The following BCKDHB variants were observed in gnomAD, a reference collection of about 807,000 sequenced individuals.
The protein encoded by BCKDHB is branched chain keto acid dehydrogenase E1 subunit beta.
BCKDHB carries 41 observed loss-of-function variants against 48.5 expected under a neutral mutation model. The ratio of observed to expected loss-of-function variants is 0.85; its 90% CI spans 0.66 to 1.10. The LOEUF (loss-of-function observed/expected upper bound fraction) is 1.10, where lower values mean the gene tolerates loss of function less well. Among genes scored for constraint, BCKDHB ranks in the 50% least tolerant of loss-of-function variants. The pLI is 0.00. For missense variants in BCKDHB, 496 were observed against 494.2 expected (o/e 1.00, Z -0.03); for synonymous variants, 201 against 174.8 (o/e 1.15, Z -1.18).
chr6:80,192,055 C>A (rs1413661843), intron 6 of BCKDHB, among the ~76,000 whole-genome samples: 2 of 152,062 alleles, frequency 1.3e-5, no homozygotes, highest in Non-Finnish European at 2.9e-5. Flanking sequence ...TTGATTAAAC[C>A]AACTTATTTT....
At chr6:80,255,699 T>C (rs900596491) in intron 8 of BCKDHB, among the ~76,000 whole-genome samples, 2 of 152,184 alleles carry the variant, frequency 1.3e-5, no homozygotes, top group Non-Finnish European at 2.9e-5. Flanking sequence ...TTTGGGTCCA[T>C]GTGTTTAGAG....
At chr6:80,108,712 T>C (rs928239613) in intron 1 of BCKDHB, among the ~76,000 whole-genome samples, 2 of 151,920 alleles carry the variant, frequency 1.3e-5, no homozygotes, top group Non-Finnish European at 2.9e-5. Context: ...ATACAAAAAT[T>C]AGCTGGGCGT....
intron 6 of BCKDHB, among the ~76,000 whole-genome samples, chr6:80,186,343 G>C (rs959681324): frequency 2.0e-5 from 3 of 152,244 alleles, no homozygotes; most frequent in Admixed American, 6.5e-5. Flanking sequence ...CGCCAGGGAA[G>C]GGGGGAAAGC....
At chr6:80,130,912 A>G (rs1034183895) in intron 3 of BCKDHB, among the ~76,000 whole-genome samples, 3 of 152,164 alleles carry the variant, frequency 2.0e-5, no homozygotes, top group African/African-American at 4.8e-5. Context: ...TCACAATTCC[A>G]TCTTGCCTGA....
chr6:80,398,373 A>G, the BCKDHB span, among the ~76,000 whole-genome samples: 1 of 152,238 alleles, frequency 6.6e-6, no homozygotes, highest in Non-Finnish European at 1.5e-5. Flanking sequence ...AAGTAAATAC[A>G]ATTAGAAACT....
chr6:80,287,380 G>A (rs1394386586), intron 9 of BCKDHB, among the ~76,000 whole-genome samples: 1 of 151,862 alleles, frequency 6.6e-6, no homozygotes, highest in African/African-American at 2.4e-5. Flanking sequence ...GGACTATATA[G>A]CAATTTTTCT....
At chr6:80,447,559 T>A in the BCKDHB span, among the ~76,000 whole-genome samples, 3 of 151,870 alleles carry the variant, frequency 2.0e-5, no homozygotes, top group African/African-American at 7.3e-5. Flanking sequence ...ACAATTAAGA[T>A]AATGAGCATA....
the BCKDHB span, among the ~76,000 whole-genome samples, chr6:80,463,944 C>T: frequency 6.6e-6 from 1 of 152,044 alleles, no homozygotes; most frequent in African/African-American, 2.4e-5. Context: ...TTCCCTTGGG[C>T]TCATTCCTCC....
At chr6:80,214,856 C>G (rs574394082) in intron 8 of BCKDHB, among the ~76,000 whole-genome samples, 18 of 152,080 alleles carry the variant, frequency 1.2e-4, no homozygotes, top group African/African-American at 3.9e-4. Flanking sequence ...TTTCTCTAAA[C>G]CTTTAGTTAA....
At position 80,173,229 on chromosome 6, in the gene BCKDHB, T is replaced by C. The variant is rs148464838; in HGVS notation, c.742+1839T>C. ...TCCTAGGCTTGGCCCTGGGAGAGAT[T>C]ATGAAAGACCCTGATGAGGTTCAGT... On this transcript the variant is annotated intron_variant, in intron 6 of 9. Transcript: ENST00000320393. Among the ~76,000 whole-genome samples the C allele has an allele frequency of 1.7e-3, 264 of 152,262 alleles. 1 individual carries two copies. The highest frequency in any genetic ancestry group is 6.0e-3 in the African/African-American group (251 of 41,562).
intron 6 of BCKDHB, among the ~76,000 whole-genome samples, chr6:80,187,783 T>C (rs1773715901): frequency 6.6e-6 from 1 of 152,096 alleles, no homozygotes; most frequent in Non-Finnish European, 1.5e-5. Flanking sequence ...TGAGATACCA[T>C]CTCACACCAG....
In BCKDHB at chr6:80,169,046, T is replaced by C. The variant is rs373772596; in HGVS notation, c.633+16T>C. 1.6e-4 allele frequency: 257 copies of C among 1,611,906 alleles called. No individual in the cohort carries two copies. The African/African-American group carries it at 3.0e-3, about 19-fold the overall frequency. On this transcript the variant is annotated intron_variant, in intron 5 of 9. Coordinates refer to ENST00000320393, the MANE Select transcript of BCKDHB (RefSeq NM_183050.4). ...AGGAATCAAGGTATGTTCATTTATGTACTTTATTTGATTTCTATTTGATGT... is the reference window on the plus strand; with the variant it reads ...AGGAATCAAGGTATGTTCATTTATGCACTTTATTTGATTTCTATTTGATGT...
chr6:80,465,572 T>C, the BCKDHB span, among the ~76,000 whole-genome samples: 9 of 152,334 alleles, frequency 5.9e-5, no homozygotes, highest in African/African-American at 2.2e-4. Flanking sequence ...TTAACTTAGG[T>C]TGAAACATCA....
the BCKDHB span, among the ~76,000 whole-genome samples, chr6:80,412,164 T>TTA: frequency 2.0e-5 from 3 of 150,324 alleles, no homozygotes; most frequent in Non-Finnish European, 2.9e-5. Flanking sequence ...TTTTTTTTTT[T>TTA]AGACAGAATC....
chr6:80,162,295 G>T (rs928109364), intron 3 of BCKDHB, among the ~76,000 whole-genome samples: 3 of 152,020 alleles, frequency 2.0e-5, no homozygotes, highest in Non-Finnish European at 4.4e-5. Flanking sequence ...TAAGAACTTG[G>T]ATAAGCTCTT....
intron 6 of BCKDHB, among the ~76,000 whole-genome samples, chr6:80,182,382 A>G (rs763350250): frequency 6.6e-6 from 1 of 152,190 alleles, no homozygotes; most frequent in African/African-American, 2.4e-5. Context: ...TTTTAATATT[A>G]TTCACTTTTC....
At chr6:80,339,335 CT>C (rs1229364504) in intron 9 of BCKDHB, among the ~76,000 whole-genome samples, 11 of 152,156 alleles carry the variant, frequency 7.2e-5, no homozygotes, top group African/African-American at 2.4e-4. Flanking sequence ...TGTGCTTGTC[CT>C]CTCTTACCTG....
the BCKDHB span, among the ~76,000 whole-genome samples, chr6:80,432,530 T>A: frequency 6.6e-6 from 1 of 152,158 alleles, no homozygotes; most frequent in Non-Finnish European, 1.5e-5. Context: ...TTCGGCTCCA[T>A]CTGGTCATTT....
the BCKDHB span, among the ~76,000 whole-genome samples, chr6:80,417,280 T>C: frequency 6.6e-6 from 1 of 152,314 alleles, no homozygotes; most frequent in Non-Finnish European, 1.5e-5. Context: ...ATTATATCAG[T>C]GGGTCTTGGT....
Sources: gnomAD v4.1 joint callset for allele counts (sites outside exome capture counted in the v4.1 genomes callset) on GRCh38, gnomAD v4.1.1 for gene constraint, MANE v1.5 for transcripts, NCBI Gene and HGNC (gene_info 2026-07-23, HGNC 2026-07-21) for gene names.